The following TP63 variants were observed in gnomAD, a reference collection of about 807,000 sequenced individuals.
The protein encoded by TP63 is tumor protein 63.
TP63 carries 17 observed loss-of-function variants against 82.8 expected under a neutral mutation model. That is an observed-to-expected ratio of 0.21 (90% CI 0.14 to 0.31). The LOEUF is 0.31. TP63 is among the 10% of genes least tolerant of loss of function. TP63 has a pLI of 1.00. For missense variants in TP63, 648 were observed against 895.3 expected (o/e 0.72, Z 3.52); for synonymous variants, 330 against 321.7 (o/e 1.03, Z -0.28).
At chr3:189,892,409 A>G (rs771090636) in intron 13 of TP63, among the ~76,000 whole-genome samples, 9 of 152,198 alleles carry the variant, frequency 5.9e-5, no homozygotes, top group Non-Finnish European at 8.8e-5. Context: ...CATCCAGGGC[A>G]TCATGACAAT....
chr3:189,796,371 C>T (rs1430060284), intron 3 of TP63, among the ~76,000 whole-genome samples: 1 of 151,964 alleles, frequency 6.6e-6, no homozygotes, highest in Non-Finnish European at 1.5e-5. Context: ...TTCCATCTCA[C>T]CCAAGAAGAC....
intron 1 of TP63, among the ~76,000 whole-genome samples, chr3:189,715,409 TAGA>T (rs1718887698): frequency 6.6e-6 from 1 of 152,222 alleles, no homozygotes; most frequent in Non-Finnish European, 1.5e-5. Flanking sequence ...TCTGATCACT[TAGA>T]AGAAGATAAG....
chr3:189,671,672 T>C (rs189969906), intron 1 of TP63, among the ~76,000 whole-genome samples: 71 of 152,190 alleles, frequency 4.7e-4, no homozygotes, highest in Admixed American at 1.2e-3. Context: ...ATAAAGAACT[T>C]ATGATACATA....
intron 4 of TP63, among the ~76,000 whole-genome samples, chr3:189,822,190 A>G (rs1180858136): frequency 6.6e-6 from 1 of 152,212 alleles, no homozygotes; most frequent in Non-Finnish European, 1.5e-5. Flanking sequence ...CAATGCCTGT[A>G]AATGGTAATT....
At chr3:189,811,523 G>A (rs1037600875) in intron 4 of TP63, among the ~76,000 whole-genome samples, 7 of 152,120 alleles carry the variant, frequency 4.6e-5, no homozygotes, top group Non-Finnish European at 8.8e-5. Flanking sequence ...CCTTATCTGA[G>A]CAGCTACTGA....
intron 3 of TP63, among the ~76,000 whole-genome samples, chr3:189,788,084 G>T (rs1216814757): frequency 3.4e-5 from 5 of 145,318 alleles, no homozygotes; most frequent in African/African-American, 1.3e-4. Context: ...TTGTAAGTAG[G>T]TTTTTTTTTT....
the TP63 span, among the ~76,000 whole-genome samples, chr3:189,616,716 GC>G: frequency 2.6e-5 from 4 of 152,170 alleles, no homozygotes; most frequent in Non-Finnish European, 4.4e-5. Context: ...AAATAATCCA[GC>G]TCATGATGTG....
At position 189,896,782 on chromosome 3, in the gene TP63, C is replaced by T. The variant is rs1171299007; in HGVS notation, c.*2280C>T. On this transcript the variant is annotated 3_prime_UTR_variant, in exon 14 of 14. Transcript: ENST00000264731. ...TTACTGGCTTACCTCCTCATGGCAG[C>T]CTACTCTCCTTGAGTGTATGAGTAG... is the stretch of plus-strand genomic sequence containing the variant. 2 of 206,580 alleles carry T rather than the reference C, an allele frequency of 9.7e-6. No individual in the cohort carries two copies. Among genetic ancestry groups the T allele is most frequent in the African/African-American group, 4.6e-5 (2 of 43,772 alleles). 12.8% of individuals were successfully genotyped at this position (206,580 alleles called of 1,614,324 possible).
chr3:189,750,454 A>T (rs1207102755), intron 3 of TP63, among the ~76,000 whole-genome samples: 2 of 152,202 alleles, frequency 1.3e-5, no homozygotes, highest in African/African-American at 4.8e-5. Context: ...ATATTTTCAA[A>T]GTACATAAAG....
At chr3:189,860,290 C>T (rs1716861690) in intron 4 of TP63, among the ~76,000 whole-genome samples, 1 of 152,044 alleles carries the variant, frequency 6.6e-6, no homozygotes, top group Non-Finnish European at 1.5e-5. Flanking sequence ...TTTCTGCTGA[C>T]TTGAATCATC....
intron 10 of TP63, among the ~76,000 whole-genome samples, chr3:189,877,801 ATGT>A (rs1719404166): frequency 6.6e-6 from 1 of 152,218 alleles, no homozygotes; most frequent in African/African-American, 2.4e-5. Flanking sequence ...GCTCTTTGTA[ATGT>A]TGTGTTCTGC....
At chr3:189,693,582 G>T (rs935403497) in intron 1 of TP63, among the ~76,000 whole-genome samples, 1 of 152,148 alleles carries the variant, frequency 6.6e-6, no homozygotes, top group East Asian at 1.9e-4. Flanking sequence ...GTTATTGAAC[G>T]GAATTTGGAT....
intron 3 of TP63, among the ~76,000 whole-genome samples, chr3:189,801,076 T>C (rs1466214371): frequency 6.6e-6 from 1 of 152,140 alleles, no homozygotes; most frequent in Non-Finnish European, 1.5e-5. Flanking sequence ...TAGACAAATA[T>C]ACTACCAACA....
intron 4 of TP63, among the ~76,000 whole-genome samples, chr3:189,841,961 T>A (rs898490697): frequency 1.3e-5 from 2 of 152,118 alleles, no homozygotes; most frequent in African/African-American, 4.8e-5. Flanking sequence ...ATCGTTTTTG[T>A]AGAAGCGTGA....
At chr3:189,654,960 A>C (rs372857072) in intron 1 of TP63, among the ~76,000 whole-genome samples, 3 of 152,190 alleles carry the variant, frequency 2.0e-5, no homozygotes, top group Admixed American at 2.0e-4. Context: ...CTGGATGGAA[A>C]TATCACGGAA....
chr3:189,631,237 G>A, upstream of TP63: 1 of 985,388 alleles, frequency 1.0e-6, no homozygotes, highest in Non-Finnish European at 1.2e-6. Flanking sequence ...GAAGCCGTGA[G>A]AGAGGGGGAA....
chr3:189,872,160 T>C (rs979187380), intron 9 of TP63, among the ~76,000 whole-genome samples: 11 of 152,214 alleles, frequency 7.2e-5, no homozygotes, highest in Non-Finnish European at 1.0e-4. Flanking sequence ...AGTTTAGTTT[T>C]ATGAAGGTGT....
At chr3:189,636,625 C>G (rs1241371302) in intron 1 of TP63, among the ~76,000 whole-genome samples, 1 of 152,098 alleles carries the variant, frequency 6.6e-6, no homozygotes, top group Non-Finnish European at 1.5e-5. Context: ...AAAACCGCCA[C>G]CAATCTTCTA....
intron 4 of TP63, among the ~76,000 whole-genome samples, chr3:189,847,374 T>A (rs1328535490): frequency 7.2e-6 from 1 of 138,608 alleles, no homozygotes; most frequent in Non-Finnish European, 1.6e-5. Flanking sequence ...ACAAAAATAA[T>A]CATCATCATC....
Sources: gnomAD v4.1 joint callset for allele counts (sites outside exome capture counted in the v4.1 genomes callset) on GRCh38, gnomAD v4.1.1 for gene constraint, MANE v1.5 for transcripts, NCBI Gene and HGNC (gene_info 2026-07-23, HGNC 2026-07-21) for gene names.